EPHB2: variants seen among roughly 807,000 people sequenced by gnomAD.
EPHB2 encodes EPH receptor B2.
In EPHB2, 18 loss-of-function variants were observed where a neutral mutation model predicts 96.4. That is an observed-to-expected ratio of 0.19 (90% CI 0.13 to 0.28). The LOEUF (loss-of-function observed/expected upper bound fraction) is 0.28. EPHB2 is among the 10% of genes least tolerant of loss of function. The pLI, the probability that EPHB2 is intolerant of heterozygous loss-of-function variation, is 1.00. For missense variants in EPHB2, 989 were observed against 1,355.4 expected (o/e 0.73, Z 4.25); for synonymous variants, 506 against 534.1 (o/e 0.95, Z 0.72).
Position 22,860,100 on chromosome 1 carries a change from G to A in EPHB2, c.812-2937G>A, listed in dbSNP as rs746557096. Among the ~76,000 whole-genome samples, 13 of 152,118 alleles carry A rather than the reference G, an allele frequency of 8.5e-5. No individual in the cohort carries two copies. Among genetic ancestry groups the A allele is most frequent in the East Asian group, 1.9e-4 (1 of 5,192 alleles). ...GTACCGTAGCATGTGTCAATGCTTCGTTCCTTTTTATGGCCGAATAGTATT... is the reference window on the plus strand; with the variant it reads ...GTACCGTAGCATGTGTCAATGCTTCATTCCTTTTTATGGCCGAATAGTATT... On this transcript the variant is annotated intron_variant, in intron 3 of 15. Coordinates refer to ENST00000374630, the MANE Select transcript of EPHB2 (RefSeq NM_017449.5). The surrounding 1 kb of genome is among the most constrained non-coding windows in gnomAD (Gnocchi z 4.6).
intron 3 of EPHB2, among the ~76,000 whole-genome samples, chr1:22,806,379 G>A (rs1644925289): frequency 6.6e-6 from 1 of 152,176 alleles, no homozygotes; most frequent in Non-Finnish European, 1.5e-5. Flanking sequence ...TTGAACCGCA[G>A]GAATTGCCAC....
chr1:22,865,183 C>T lies in EPHB2; in HGVS notation c.1274C>T (p.Ala425Val). 6.2e-7 allele frequency: 1 copy of T among 1,614,224 alleles called. No individual in the cohort carries two copies. The highest frequency in any genetic ancestry group is 2.2e-5 in the East Asian group (1 of 44,890). Reference sequence around the variant, plus strand: ...CAGAGCCCCTTCTCGCCTCAGTTCGCCTCTGTGAACATCACCACCAACCAG... The same window carrying T: ...CAGAGCCCCTTCTCGCCTCAGTTCGTCTCTGTGAACATCACCACCAACCAG... ...TDQSPFSPQF[A>V]SVNITTNQAA... The change falls in exon 5 of 16, where the codon GCC (alanine) becomes GTC (valine). Residue 425 changes from alanine to valine, a missense_variant. Physicochemically the swap from Ala to Val is moderately conservative, Grantham distance 64. Transcript: ENST00000374630.
intron 1 of EPHB2, among the ~76,000 whole-genome samples, chr1:22,757,997 C>T (rs894244911): frequency 8.8e-5 from 13 of 147,102 alleles, no homozygotes; most frequent in Admixed American, 2.7e-4. Flanking sequence ...CGGCTCACTG[C>T]AAGCTCCGCC....
chr1:22,841,918 G>A (rs1645475220), intron 3 of EPHB2, among the ~76,000 whole-genome samples: 1 of 152,192 alleles, frequency 6.6e-6, no homozygotes, highest in Non-Finnish European at 1.5e-5. Flanking sequence ...GCCTCTCTCA[G>A]CATGAGCTGA....
At chr1:22,760,916 A>G (rs1644226608) in intron 1 of EPHB2, among the ~76,000 whole-genome samples, 1 of 152,112 alleles carries the variant, frequency 6.6e-6, no homozygotes, top group Admixed American at 6.5e-5. Flanking sequence ...CCATTTTTCC[A>G]GATAAGGAAC....
intron 11 of EPHB2, among the ~76,000 whole-genome samples, chr1:22,907,673 A>T (rs577995727): frequency 6.6e-6 from 1 of 152,298 alleles, no homozygotes; most frequent in South Asian, 2.1e-4. Flanking sequence ...GGAAACTGAG[A>T]CTCAGAGGTA....
At chr1:22,765,504 G>A (rs1000511570) in intron 1 of EPHB2, among the ~76,000 whole-genome samples, 3 of 139,330 alleles carry the variant, frequency 2.2e-5, no homozygotes, top group Non-Finnish European at 4.5e-5. Flanking sequence ...CCAAGATGGC[G>A]CCACTGCACT....
rs536326370 is a variant in EPHB2 at position 22,883,860 on chromosome 1, G to A, written c.1428+1377G>A. On this transcript the variant is annotated intron_variant, in intron 6 of 15. Transcript: ENST00000374630. The stretch of plus-strand genomic sequence containing the variant: ...TCACCACCTTCTCCCCGGCATCCAG[G>A]CCTGGCACCAAGGAGACACTTGATC... 1.2e-3 allele frequency among the ~76,000 whole-genome samples: 176 copies of A among 152,230 alleles called. 2 individuals are homozygous for A. The Middle Eastern group carries it at 0.017, about 15-fold the overall frequency.
rs773979383 is a variant in EPHB2, at chr1:22,784,805, C to G, written c.540C>G (p.Asp180Glu). 1 of 1,602,948 alleles carries G rather than the reference C, an allele frequency of 6.2e-7. No individual in the cohort carries two copies. The highest frequency in any genetic ancestry group is 2.2e-5 in the East Asian group (1 of 44,740). Residue 180 changes from aspartate to glutamate, a missense_variant, in exon 3 of 16, where the codon GAC becomes GAG. By Grantham distance (45) the Asp-to-Glu change is conservative. Transcript: ENST00000374630. This position sits in a 1 kb window ranked among gnomAD's most constrained non-coding sequence, Gnocchi z 5.1. ...SRSGFYLAFQ[D>E]YGGCMSLIAV... is the part of the protein sequence containing the mutation. Reference sequence around the variant, plus strand: ...GCGGCTTCTACCTGGCCTTCCAGGACTATGGCGGCTGCATGTCCCTCATCG... The same window carrying G: ...GCGGCTTCTACCTGGCCTTCCAGGAGTATGGCGGCTGCATGTCCCTCATCG...
chr1:22,838,649 G>A (rs1017090134), intron 3 of EPHB2, among the ~76,000 whole-genome samples: 1 of 152,160 alleles, frequency 6.6e-6, no homozygotes, highest in Non-Finnish European at 1.5e-5. Context: ...GATACTAGAG[G>A]CCAGGTGCGT....
chr1:22,794,257 T>C (rs1364469477), intron 3 of EPHB2, among the ~76,000 whole-genome samples: 2 of 152,118 alleles, frequency 1.3e-5, no homozygotes, highest in African/African-American at 2.4e-5. Flanking sequence ...CCAGGAGGGC[T>C]TCTTGGGAGA....
intron 3 of EPHB2, among the ~76,000 whole-genome samples, chr1:22,861,895 T>G (rs1440777327): frequency 6.6e-6 from 1 of 152,198 alleles, no homozygotes; most frequent in African/African-American, 2.4e-5. Context: ...AGGCATAAAA[T>G]GTACTCCCGG....
intron 1 of EPHB2, among the ~76,000 whole-genome samples, chr1:22,772,740 C>G (rs956210828): frequency 3.3e-5 from 5 of 152,170 alleles, no homozygotes; most frequent in African/African-American, 1.2e-4. Context: ...GGGCAGATCT[C>G]TGAGCCTCTG....
chr1:22,909,561 T>C (rs1168726629), intron 13 of EPHB2, among the ~76,000 whole-genome samples: 1 of 152,174 alleles, frequency 6.6e-6, no homozygotes, highest in African/African-American at 2.4e-5. Context: ...CAGAGTAGCC[T>C]GGAGGCACTG....
At chr1:22,884,326 CA>C (rs1639152679) in intron 6 of EPHB2, among the ~76,000 whole-genome samples, 1 of 151,730 alleles carries the variant, frequency 6.6e-6, no homozygotes. Flanking sequence ...GCCAACATAG[CA>C]AAACCCCATC....
chr1:22,869,321 G>T (rs943673085), intron 5 of EPHB2, among the ~76,000 whole-genome samples: 1 of 151,982 alleles, frequency 6.6e-6, no homozygotes, highest in African/African-American at 2.4e-5. Context: ...ACACTGTTCT[G>T]CAGTATAGTG....
intron 5 of EPHB2, among the ~76,000 whole-genome samples, chr1:22,879,211 A>T (rs1396977257): frequency 6.6e-6 from 1 of 151,166 alleles, no homozygotes; most frequent in African/African-American, 2.4e-5. Flanking sequence ...CACCTCCACC[A>T]CACACACAGA....
intron 6 of EPHB2, chr1:22,882,800 T>C: frequency 2.8e-6 from 1 of 358,782 alleles, no homozygotes; most frequent in Non-Finnish European, 5.4e-6. Context: ...TGGCTTGATG[T>C]TGGGAAAAAC....
chr1:22,843,517 C>T (rs1010923503), intron 3 of EPHB2, among the ~76,000 whole-genome samples: 2 of 152,024 alleles, frequency 1.3e-5, no homozygotes, highest in Admixed American at 1.3e-4. Flanking sequence ...CTCAAGTAGG[C>T]CCCAGTGTCT....
Sources: gnomAD v4.1 joint callset for allele counts (sites outside exome capture counted in the v4.1 genomes callset) on GRCh38, gnomAD v4.1.1 for gene constraint, Gnocchi (gnomAD v3.1) non-coding constraint, MANE v1.5 for transcripts, NCBI Gene and HGNC (gene_info 2026-07-23, HGNC 2026-07-21) for gene names.